The following SLC10A7 variants were observed in gnomAD, a reference collection of about 807,000 sequenced individuals.
The protein encoded by SLC10A7 is solute carrier family 10 member 7, also known as sodium/bile acid cotransporter 7.
SLC10A7 carries 29 observed loss-of-function variants against 43.2 expected under a neutral mutation model. That is an observed-to-expected ratio of 0.67 (90% CI 0.50 to 0.92). The LOEUF (loss-of-function observed/expected upper bound fraction) is 0.92, where lower values mean the gene tolerates loss of function less well. Ranked by LOEUF, SLC10A7 falls within the 40% of genes least tolerant of loss-of-function variation. The pLI is 0.00. For missense variants in SLC10A7, 295 were observed against 403.2 expected (o/e 0.73, Z 2.30); for synonymous variants, 152 against 144.8 (o/e 1.05, Z -0.35).
chr4:146,262,356 TAGC>T (rs957244528), intron 10 of SLC10A7, among the ~76,000 whole-genome samples: 11 of 152,214 alleles, frequency 7.2e-5, no homozygotes, highest in African/African-American at 2.4e-4. Flanking sequence ...TCTTTGCTGT[TAGC>T]AGCACTATCT....
intron 2 of SLC10A7, among the ~76,000 whole-genome samples, chr4:146,515,454 A>G (rs1737859075): frequency 6.6e-6 from 1 of 152,356 alleles, no homozygotes. Flanking sequence ...TGGTCCTCTC[A>G]TATCAATATT....
intron 4 of SLC10A7, among the ~76,000 whole-genome samples, chr4:146,447,335 C>T (rs993441838): frequency 6.6e-6 from 1 of 152,084 alleles, no homozygotes; most frequent in Non-Finnish European, 1.5e-5. Context: ...TCTTGAACTC[C>T]TGGACTCAAG....
intron 5 of SLC10A7, among the ~76,000 whole-genome samples, chr4:146,433,010 C>T (rs911296483): frequency 6.7e-6 from 1 of 149,582 alleles, no homozygotes; most frequent in African/African-American, 2.5e-5. Context: ...TGCACTCCAG[C>T]GTGGGTGACA....
chr4:146,509,615 C>T (rs1332380245), intron 3 of SLC10A7, among the ~76,000 whole-genome samples: 2 of 152,164 alleles, frequency 1.3e-5, no homozygotes, highest in Non-Finnish European at 2.9e-5. Flanking sequence ...GACTTGCATA[C>T]AGATCTTACA....
At chr4:146,363,099 C>A (rs1263010380) in intron 5 of SLC10A7, among the ~76,000 whole-genome samples, 1 of 151,856 alleles carries the variant, frequency 6.6e-6, no homozygotes, top group African/African-American at 2.4e-5. Context: ...CAAGACCCAA[C>A]AATATGCTGC....
Position 146,521,906 on chromosome 4 carries a change from T to G in SLC10A7, c.-189A>C, listed in dbSNP as rs1031457485. Reference sequence around the variant, plus strand: ...CGGCGGCTTTGAGGAGGGTTGGGAGTAGTAGTAGCCAGTGACAGGAAAGTC... The same window carrying G: ...CGGCGGCTTTGAGGAGGGTTGGGAGGAGTAGTAGCCAGTGACAGGAAAGTC... On this transcript the variant is annotated 5_prime_UTR_variant, in exon 1 of 12. Transcript: ENST00000335472. The G allele has an allele frequency of 2.0e-5, 11 of 559,788 alleles. No homozygotes were observed. Among genetic ancestry groups the G allele is most frequent in the Middle Eastern group, 3.7e-4 (1 of 2,668 alleles). 34.7% of individuals were successfully genotyped at this position (559,788 alleles called of 1,614,324 possible).
intron 4 of SLC10A7, among the ~76,000 whole-genome samples, chr4:146,454,783 T>C (rs1231299547): frequency 6.6e-6 from 1 of 151,846 alleles, no homozygotes; most frequent in African/African-American, 2.4e-5. Flanking sequence ...GTTAAAAGAC[T>C]AAACTACTTA....
intron 5 of SLC10A7, among the ~76,000 whole-genome samples, chr4:146,426,808 GA>G (rs1729392109): frequency 6.6e-6 from 1 of 152,190 alleles, no homozygotes; most frequent in African/African-American, 2.4e-5. Context: ...CTGGGAGGCG[GA>G]GGTTGCAGTG....
chr4:146,376,332 C>T (rs912088104), intron 5 of SLC10A7, among the ~76,000 whole-genome samples: 1 of 152,102 alleles, frequency 6.6e-6, no homozygotes, highest in Non-Finnish European at 1.5e-5. Flanking sequence ...AGGGTGGTTC[C>T]CTGGCAAATG....
intron 5 of SLC10A7, among the ~76,000 whole-genome samples, chr4:146,382,181 A>G (rs1737674192): frequency 6.6e-6 from 1 of 152,144 alleles, no homozygotes; most frequent in African/African-American, 2.4e-5. Context: ...ATGCTGTGCA[A>G]TTATAGCGAT....
intron 5 of SLC10A7, among the ~76,000 whole-genome samples, chr4:146,334,528 T>C (rs1047560529): frequency 6.6e-6 from 1 of 152,008 alleles, no homozygotes; most frequent in Non-Finnish European, 1.5e-5. Flanking sequence ...GTGTGGTAAA[T>C]GGAGTTCGTT....
intron 5 of SLC10A7, among the ~76,000 whole-genome samples, chr4:146,400,134 A>C (rs1739126314): frequency 6.6e-6 from 1 of 152,192 alleles, no homozygotes; most frequent in African/African-American, 2.4e-5. Context: ...TATCATGGAA[A>C]TGAAAAGAGA....
In SLC10A7 at chr4:146,295,975, A is replaced by G. The variant is rs551002485; in HGVS notation, c.556-1880T>C. Among the ~76,000 whole-genome samples, 3 of 152,304 alleles carry G rather than the reference A, an allele frequency of 2.0e-5. No individual in the cohort carries two copies. The South Asian group carries it at 6.2e-4, about 32-fold the overall frequency. On this transcript the variant is annotated intron_variant, in intron 7 of 11. Coordinates refer to ENST00000335472, the MANE Select transcript of SLC10A7 (RefSeq NM_001029998.6). ...CCAACAAAATAAATAAATATGAATG[A>G]GGTGCAACTTGTAAGTGAAAACCAT...
At chr4:146,495,766 AACAC>A (rs57202992) in intron 4 of SLC10A7, among the ~76,000 whole-genome samples, 6,293 of 139,572 alleles carry the variant, frequency 0.045, 147 homozygotes, top group Non-Finnish European at 0.053. Flanking sequence ...GATGAAAGTA[AACAC>A]ACACACACAC....
At chr4:146,516,847 C>T (rs563207637) in intron 2 of SLC10A7, among the ~76,000 whole-genome samples, 191 bp downstream of exon 2, 4 of 152,238 alleles carry the variant, frequency 2.6e-5, no homozygotes, top group South Asian at 4.2e-4. Context: ...CCATGCTGCT[C>T]AACTGTACAG....
chr4:146,338,430 G>C (rs1734038359), intron 5 of SLC10A7, among the ~76,000 whole-genome samples: 1 of 151,904 alleles, frequency 6.6e-6, no homozygotes, highest in Non-Finnish European at 1.5e-5. Context: ...GAATTCCCAA[G>C]CAGTAAGTGG....
At chr4:146,366,922 C>T (rs1736429928) in intron 5 of SLC10A7, among the ~76,000 whole-genome samples, 1 of 152,088 alleles carries the variant, frequency 6.6e-6, no homozygotes, top group Non-Finnish European at 1.5e-5. Flanking sequence ...TTGGGTTATA[C>T]ACTCATTAGG....
chr4:146,341,665 G>A (rs111778352), intron 5 of SLC10A7, among the ~76,000 whole-genome samples: 6 of 151,890 alleles, frequency 4.0e-5, no homozygotes, highest in African/African-American at 1.4e-4. Flanking sequence ...AATTCCAGAA[G>A]TCAAGGATAC....
chr4:146,428,252 T>G (rs1729515119), intron 5 of SLC10A7, among the ~76,000 whole-genome samples: 1 of 152,184 alleles, frequency 6.6e-6, no homozygotes. Context: ...TATCCTTCCT[T>G]TACTTTCTTA....
Sources: allele counts gnomAD v4.1 joint callset (sites outside exome capture counted in the v4.1 genomes callset), GRCh38; gene constraint gnomAD v4.1.1; transcripts MANE v1.5; gene names NCBI Gene and HGNC (gene_info 2026-07-23, HGNC 2026-07-21).